The following ERBIN variants were observed in gnomAD, a reference collection of about 807,000 sequenced individuals.
ERBIN encodes erbb2 interacting protein, also known as densin-180-like protein.
ERBIN carries 60 observed loss-of-function variants against 158.4 expected under a neutral mutation model. That is an observed-to-expected ratio of 0.38 (90% CI 0.31 to 0.47). The LOEUF is 0.47. Ranked by LOEUF, ERBIN falls within the 20% of genes least tolerant of loss-of-function variation. ERBIN has a pLI of 0.99. For missense variants in ERBIN, 1,610 were observed against 1,648.0 expected, an observed-to-expected ratio of 0.98 and a Z score of 0.40; for synonymous variants, 594 against 557.2, an observed-to-expected ratio of 1.07 and a Z score of -0.93.
chr5:66,076,964 TC>T lies in ERBIN; in HGVS notation c.4131+16del, dbSNP rs1561463632. On this transcript the variant is annotated intron_variant, in intron 25 of 25. Transcript: ENST00000284037. Reference sequence around the variant, plus strand: ...AAATTATTCAGGTAATTAAAATAAATCTTTTTTTTTTTCATTTTATAACACT... The same window carrying T: ...AAATTATTCAGGTAATTAAAATAAATTTTTTTTTTTTCATTTTATAACACT... The T allele has an allele frequency of 3.4e-6, 5 of 1,471,754 alleles. No individual in the cohort carries two copies. The African/African-American group carries it at 8.2e-5, about 24-fold the overall frequency. 91.2% of individuals were successfully genotyped at this position (1,471,754 alleles called of 1,614,324 possible).
At chr5:65,946,206 A>T (rs1177457881) in intron 1 of ERBIN, among the ~76,000 whole-genome samples, 1 of 152,098 alleles carries the variant, frequency 6.6e-6, no homozygotes, top group Non-Finnish European at 1.5e-5. Flanking sequence ...CTCTACAAAA[A>T]TACAAAAATC....
At chr5:65,973,540 C>T (rs1749513011) in intron 1 of ERBIN, among the ~76,000 whole-genome samples, 1 of 151,362 alleles carries the variant, frequency 6.6e-6, no homozygotes, top group Non-Finnish European at 1.5e-5. Flanking sequence ...CACTCTGGCA[C>T]TCACATCTAG....
At position 66,023,325 on chromosome 5, in the gene ERBIN, G is replaced by A. The variant is rs372757714; in HGVS notation, c.633G>A (p.Glu211=). The A allele has an allele frequency of 3.1e-6, 5 of 1,613,120 alleles. No homozygotes were observed. The highest frequency in any genetic ancestry group is 4.2e-6 in the Non-Finnish European group (5 of 1,179,494). ...TTGAGCAACTAAGTGGATTGAAAGA[G>A]TTTTGGATGGATGCTAATAGACTGA... The part of the protein sequence containing the change: ...EVLEQLSGLK[E]FWMDANRLTF... Residue 211 remains glutamate, a synonymous_variant, in exon 9 of 26, where the codon GAG becomes GAA. Coordinates refer to ENST00000284037, the MANE Select transcript of ERBIN (RefSeq NM_001253697.2).
At chr5:65,983,107 A>G (rs1194949936) in intron 1 of ERBIN, among the ~76,000 whole-genome samples, 1 of 152,224 alleles carries the variant, frequency 6.6e-6, no homozygotes, top group African/African-American at 2.4e-5. Context: ...GTATATGTCT[A>G]CCACTTAATT....
At chr5:66,044,356 A>G in intron 17 of ERBIN, 46 bp downstream of exon 17, 2 of 1,522,988 alleles carry the variant, frequency 1.3e-6, no homozygotes, top group Non-Finnish European at 1.8e-6. Flanking sequence ...TCAAGTTCTT[A>G]TTTTTAAATG....
rs1751121852 is a variant in ERBIN at position 65,985,445 on chromosome 5, T to C, written c.-57-3190T>C. 2.0e-5 allele frequency among the ~76,000 whole-genome samples: 3 copies of C among 152,218 alleles called. No homozygotes were observed. In the South Asian group the frequency reaches 6.2e-4, roughly 32 times the overall value. On this transcript the variant is annotated intron_variant, in intron 1 of 25. Transcript: ENST00000284037. ...ATTTTATACTGTACCTTTTACTAAA[T>C]CAGAATCTCTAGGGAGAGGGTATAG...
At position 66,024,417 on chromosome 5, in the gene ERBIN, A is replaced by T. The variant is rs781419818; in HGVS notation, c.784A>T (p.Ser262Cys). ...AAACCTTCAAGACCTCCTATTATCA[A>T]GCAATTCACTTCAGCAGCTTCCTGA... ...CENLQDLLLSSNSLQQLPETI... is the reference protein window; with the variant it reads ...CENLQDLLLSCNSLQQLPETI... Residue 262 changes from serine (S) to cysteine (C), a missense_variant, in exon 10 of 26, where the codon AGC becomes TGC. This residue lies in a region of ERBIN where 596 missense variants were observed against 711.9 expected (regional missense o/e 0.84). Transcript: ENST00000284037. 6.2e-7 allele frequency: 1 copy of T among 1,602,258 alleles called. No individual in the cohort carries two copies. The highest frequency in any genetic ancestry group is 8.5e-7 in the Non-Finnish European group (1 of 1,177,054).
At chr5:66,064,275 A>G (rs1280345142) in intron 21 of ERBIN, among the ~76,000 whole-genome samples, 1 of 152,216 alleles carries the variant, frequency 6.6e-6, no homozygotes, top group African/African-American at 2.4e-5. Flanking sequence ...AAGGAGTTCA[A>G]CCTGGTTGAA....
chr5:66,044,306 TGAAG>T lies in ERBIN; in HGVS notation c.1600_1602+1del, dbSNP rs1462298091. On this transcript the variant is annotated frameshift_variant and splice_region_variant, in exon 17 of 26. Transcript: ENST00000284037. LOFTEE classifies it high-confidence loss of function. ...CAAGATATAAATAAAGATGTGGGTG[TGAAG>T]GTTAGAAAATTCAAAAGGATTAACC... is the stretch of plus-strand genomic sequence containing the variant. The T allele has an allele frequency of 6.3e-7, 1 of 1,583,562 alleles. No homozygotes were observed. Among genetic ancestry groups the T allele is most frequent in the African/African-American group, 1.4e-5 (1 of 72,798 alleles).
intron 1 of ERBIN, among the ~76,000 whole-genome samples, chr5:65,974,556 C>T (rs894587701): frequency 1.3e-5 from 2 of 152,220 alleles, no homozygotes; most frequent in Non-Finnish European, 2.9e-5. Context: ...TTGATAGTTA[C>T]TACTCCTTAT....
intron 8 of ERBIN, 91 bp downstream of exon 8, chr5:66,021,476 T>TTTG: frequency 2.1e-6 from 2 of 965,518 alleles, no homozygotes; most frequent in Non-Finnish European, 3.0e-6. Flanking sequence ...ACAAATTGGA[T>TTTG]AAAGGTTTAC....
chr5:66,026,411 A>G lies in ERBIN; in HGVS notation c.1130A>G (p.Asp377Gly). Residue 377 changes from aspartate (D) to glycine (G), a missense_variant, in exon 13 of 26, where the codon GAT becomes GGT. Asp to Gly is a moderately conservative substitution (Grantham distance 94). Around this residue, in one of 2 missense-constraint regions of ERBIN, gnomAD observed 596 missense variants for 711.9 expected, o/e 0.84. Transcript: ENST00000284037. ...MQKLKVINLS[D>G]NRLKNLPFSF... ...AAATTAAAAGTCATTAATTTAAGTG[A>G]TAATAGGTTCGTAATACTATATTCA... 1 of 1,560,486 alleles carries G rather than the reference A, an allele frequency of 6.4e-7. No individual in the cohort carries two copies. Among genetic ancestry groups the G allele is most frequent in the Non-Finnish European group, 8.8e-7 (1 of 1,141,436 alleles).
At chr5:65,975,142 G>A (rs1749713421) in intron 1 of ERBIN, among the ~76,000 whole-genome samples, 1 of 151,858 alleles carries the variant, frequency 6.6e-6, no homozygotes, top group African/African-American at 2.4e-5. Flanking sequence ...CGAATAGCTG[G>A]GATTACAGGC....
At chr5:66,005,678 G>T (rs1389832093) in intron 4 of ERBIN, among the ~76,000 whole-genome samples, 1 of 152,142 alleles carries the variant, frequency 6.6e-6, no homozygotes, top group Non-Finnish European at 1.5e-5. Flanking sequence ...ATCTCCTTAA[G>T]CTGATAAGCA....
At chr5:65,954,551 G>T (rs929794556) in intron 1 of ERBIN, among the ~76,000 whole-genome samples, 1 of 152,068 alleles carries the variant, frequency 6.6e-6, no homozygotes, top group African/African-American at 2.4e-5. Context: ...TAACATTTTA[G>T]TTTGATTTGT....
At chr5:65,968,686 G>A (rs761380424) in intron 1 of ERBIN, among the ~76,000 whole-genome samples, 2 of 151,906 alleles carry the variant, frequency 1.3e-5, no homozygotes, top group Non-Finnish European at 2.9e-5. Flanking sequence ...TCAGTCTCCC[G>A]AGTAGCTGGG....
At chr5:66,061,624 G>A (rs537501025) in intron 21 of ERBIN, among the ~76,000 whole-genome samples, 1 of 152,318 alleles carries the variant, frequency 6.6e-6, no homozygotes, top group East Asian at 1.9e-4. Flanking sequence ...AGTTGATGCA[G>A]TTTCTTCCTA....
Position 66,075,297 on chromosome 5 carries a change from A to C in ERBIN, c.3963+67A>C. 5.6e-6 allele frequency: 7 copies of C among 1,256,120 alleles called. No homozygotes were observed. The South Asian group carries it at 7.5e-5, about 13-fold the overall frequency. The allele number at this position is 1,256,120 out of a possible 1,614,324, so 77.8% of individuals were successfully genotyped here. The stretch of plus-strand genomic sequence containing the variant: ...TTTATGTATTTTTATAGGTTACTTA[A>C]TTATTAGTAAATCCATACAGAATAT... On this transcript the variant is annotated intron_variant, in intron 23 of 25. Coordinates refer to ENST00000284037, the MANE Select transcript of ERBIN (RefSeq NM_001253697.2).
At chr5:66,057,576 G>C (rs1203177342) in intron 21 of ERBIN, among the ~76,000 whole-genome samples, 2 of 151,958 alleles carry the variant, frequency 1.3e-5, no homozygotes, top group Non-Finnish European at 2.9e-5. Flanking sequence ...TATACTTTAA[G>C]TTTTAGGATA....
Sources: allele counts gnomAD v4.1 joint callset (sites outside exome capture counted in the v4.1 genomes callset), GRCh38; gene constraint gnomAD v4.1.1; regional missense constraint gnomAD v4.1.1; transcripts MANE v1.5; gene names NCBI Gene and HGNC (gene_info 2026-07-23, HGNC 2026-07-21).